The following GRIK2 variants were observed in gnomAD, a reference collection of about 807,000 sequenced individuals.
GRIK2 encodes the protein glutamate receptor ionotropic, kainate 2.
In GRIK2, 32 loss-of-function variants were observed where a neutral mutation model predicts 100.3. The observed-to-expected ratio is 0.32, with a 90% CI of 0.24 to 0.43. GRIK2 has a LOEUF of 0.43. Ranked by LOEUF, GRIK2 falls within the 20% of genes least tolerant of loss-of-function variation. The pLI is 1.00. For synonymous variants in GRIK2, 417 were observed against 389.4 expected (o/e 1.07, Z -0.83); for missense variants, 843 against 1,114.9 (o/e 0.76, Z 3.47).
At chr6:101,714,503 C>A (rs1773928750) in intron 7 of GRIK2, among the ~76,000 whole-genome samples, 1 of 151,546 alleles carries the variant, frequency 6.6e-6, no homozygotes, top group African/African-American at 2.4e-5. Flanking sequence ...CAGATAAATT[C>A]TTTTAAAATT....
intron 11 of GRIK2, among the ~76,000 whole-genome samples, chr6:101,881,506 A>T (rs762643269): frequency 1.9e-4 from 29 of 151,914 alleles, no homozygotes; most frequent in Non-Finnish European, 3.7e-4. Flanking sequence ...TGGAGTATTG[A>T]TATGCAAGAT....
chr6:102,048,070 G>A (rs1370291635), intron 15 of GRIK2, among the ~76,000 whole-genome samples: 1 of 148,482 alleles, frequency 6.7e-6, no homozygotes, highest in Middle Eastern at 3.5e-3. Context: ...AACCCACACT[G>A]TATGGTCAAT....
intron 10 of GRIK2, among the ~76,000 whole-genome samples, chr6:101,828,190 CAATG>C (rs1033895087): frequency 7.2e-5 from 11 of 151,784 alleles, no homozygotes; most frequent in African/African-American, 2.7e-4. Context: ...TTTGTGCAAA[CAATG>C]AAATTAAGGG....
chr6:101,691,181 C>T (rs1193545756), intron 7 of GRIK2, among the ~76,000 whole-genome samples: 1 of 152,024 alleles, frequency 6.6e-6, no homozygotes, highest in Non-Finnish European at 1.5e-5. Flanking sequence ...CTCTAATTTC[C>T]CCAAATATAT....
At chr6:101,394,023 T>C (rs1336144382) in intron 1 of GRIK2, among the ~76,000 whole-genome samples, 186 bp downstream of exon 1, 1 of 152,204 alleles carries the variant, frequency 6.6e-6, no homozygotes, top group Non-Finnish European at 1.5e-5. Context: ...ACTGCGAGTC[T>C]TTGTCGGGCT....
chr6:102,039,597 C>T (rs1206604669), intron 15 of GRIK2, among the ~76,000 whole-genome samples: 1 of 151,420 alleles, frequency 6.6e-6, no homozygotes, highest in Non-Finnish European at 1.5e-5. Flanking sequence ...GGGAACATTT[C>T]TCCTCCTTAA....
Position 101,790,703 on chromosome 6 carries a change from A to G in GRIK2, c.952-8945A>G, listed in dbSNP as rs1177336912. Among the ~76,000 whole-genome samples the G allele has an allele frequency of 4.6e-5, 7 of 150,790 alleles. No homozygotes were observed. In the East Asian group the frequency reaches 1.4e-3, roughly 29 times the overall value. ...TGTGTCTCTGCCCGGCTTTGGTATC[A>G]GGATGATGCGGGCCTCATAAAATGA... On this transcript the variant is annotated intron_variant, in intron 7 of 16. Coordinates refer to ENST00000369134, the MANE Select transcript of GRIK2 (RefSeq NM_021956.5).
chr6:101,404,914 C>T (rs1167774515), intron 2 of GRIK2, among the ~76,000 whole-genome samples: 2 of 152,172 alleles, frequency 1.3e-5, no homozygotes, highest in Non-Finnish European at 2.9e-5. Flanking sequence ...AGGAAGATTT[C>T]AATCTGATAA....
At chr6:101,695,313 C>G (rs1772401049) in intron 7 of GRIK2, among the ~76,000 whole-genome samples, 1 of 151,930 alleles carries the variant, frequency 6.6e-6, no homozygotes, top group Non-Finnish European at 1.5e-5. Context: ...GCCTGGAGCT[C>G]TTTTATAATG....
chr6:101,795,006 C>G (rs574868661), intron 7 of GRIK2, among the ~76,000 whole-genome samples: 1 of 151,920 alleles, frequency 6.6e-6, no homozygotes, highest in African/African-American at 2.4e-5. Context: ...GCTGGAATTA[C>G]AGGCCCACAG....
At chr6:101,475,096 A>G (rs1772160073) in intron 2 of GRIK2, among the ~76,000 whole-genome samples, 1 of 151,840 alleles carries the variant, frequency 6.6e-6, no homozygotes, top group African/African-American at 2.4e-5. Flanking sequence ...AGGCCTTAGA[A>G]AGAGTTCTTG....
At chr6:102,021,803 T>A (rs1217314503) in intron 14 of GRIK2, among the ~76,000 whole-genome samples, 6 of 151,458 alleles carry the variant, frequency 4.0e-5, no homozygotes. Context: ...TATGATTTCT[T>A]TAAAGTGTCC....
At chr6:101,738,222 TG>T (rs1775791515) in intron 7 of GRIK2, among the ~76,000 whole-genome samples, 1 of 152,118 alleles carries the variant, frequency 6.6e-6, no homozygotes, top group African/African-American at 2.4e-5. Flanking sequence ...CAATTGTAAT[TG>T]ACAATTGTCA....
chr6:102,062,771 C>T (rs974897418), intron 16 of GRIK2, among the ~76,000 whole-genome samples: 1 of 150,170 alleles, frequency 6.7e-6, no homozygotes, highest in African/African-American at 2.4e-5. Flanking sequence ...AAAAGGCTGC[C>T]AATCAAAACA....
chr6:102,043,556 G>T (rs1453945715), intron 15 of GRIK2, among the ~76,000 whole-genome samples: 1 of 151,714 alleles, frequency 6.6e-6, no homozygotes, highest in Non-Finnish European at 1.5e-5. Flanking sequence ...ATATTCTCTT[G>T]TTTCATCTAG....
At chr6:101,928,211 A>T in intron 13 of GRIK2, 1 of 574,648 alleles carries the variant, frequency 1.7e-6, no homozygotes, top group Non-Finnish European at 3.1e-6. Context: ...CTATATTTAA[A>T]CAAGAATGTC....
chr6:101,450,088 T>A (rs1770592232), intron 2 of GRIK2, among the ~76,000 whole-genome samples: 2 of 151,736 alleles, frequency 1.3e-5, no homozygotes, highest in South Asian at 2.1e-4. Flanking sequence ...CTGTTGAAAG[T>A]CATTCTGCAA....
intron 2 of GRIK2, among the ~76,000 whole-genome samples, chr6:101,526,278 C>T (rs559017618): frequency 1.3e-5 from 2 of 152,224 alleles, no homozygotes; most frequent in South Asian, 2.1e-4. Context: ...CATGATTTGG[C>T]AACTCTAGGA....
chr6:101,684,177 A>G (rs1771499357), intron 6 of GRIK2, among the ~76,000 whole-genome samples: 1 of 152,174 alleles, frequency 6.6e-6, no homozygotes, highest in East Asian at 1.9e-4. Context: ...TAAGAAACTT[A>G]GTGGTGGGGG....
Sources: allele counts gnomAD v4.1 joint callset (sites outside exome capture counted in the v4.1 genomes callset), GRCh38; gene constraint gnomAD v4.1.1; transcripts MANE v1.5; gene names NCBI Gene and HGNC (gene_info 2026-07-23, HGNC 2026-07-21).